TRRAP: variants seen among roughly 807,000 people sequenced by gnomAD.
TRRAP encodes the protein transformation/transcription domain-associated protein.
A neutral mutation model predicts 438.8 loss-of-function variants in TRRAP; 41 were observed. The observed-to-expected ratio is 0.09, with a 90% CI of 0.07 to 0.12. The LOEUF (loss-of-function observed/expected upper bound fraction) is 0.12. TRRAP is among the 10% of genes least tolerant of loss of function. The pLI, the probability that TRRAP is intolerant of heterozygous loss-of-function variation, is 1.00. For missense variants in TRRAP, 3,122 were observed against 5,055.1 expected, an observed-to-expected ratio of 0.62 and a Z score of 11.60; for synonymous variants, 1,994 against 1,962.9, an observed-to-expected ratio of 1.02 and a Z score of -0.42.
At chr7:98,940,622 G>A (rs1241680800) in intron 30 of TRRAP, among the ~76,000 whole-genome samples, 1 of 152,174 alleles carries the variant, frequency 6.6e-6, no homozygotes, top group Non-Finnish European at 1.5e-5. Context: ...AATCACATGG[G>A]TTTTGTGTTA....
In TRRAP at chr7:98,970,204, C is replaced by T. The variant is rs200799197; in HGVS notation, c.7605C>T (p.Ala2535=). The T allele has an allele frequency of 1.5e-5, 24 of 1,613,740 alleles. No individual in the cohort carries two copies. The highest frequency in any genetic ancestry group is 2.7e-5 in the African/African-American group (2 of 74,926). ...CCATCACCAACGTCATCAACCTGGC[C>T]GATAGCCACGACCGTGCCGCCTTCG... ...LPSITNVINL[A]DSHDRAAFAM... The change falls in exon 52 of 73, where the codon GCC becomes GCT. Residue 2535 remains alanine, a synonymous_variant. Transcript: ENST00000456197.
Position 98,976,970 on chromosome 7 carries a change from C to T in TRRAP, c.8279C>T (p.Ser2760Phe). The change falls in exon 56 of 73, where the codon TCC becomes TTC. Residue 2760 changes from serine (S) to phenylalanine (F), a missense_variant. By Grantham distance (155) the Ser-to-Phe change is radical (BLOSUM62 -2). Coordinates refer to ENST00000456197, the MANE Select transcript of TRRAP (RefSeq NM_001375524.1). This position sits in a 1 kb window ranked among gnomAD's most constrained non-coding sequence, Gnocchi z 4.6. ...EILDSLAELY[S>F]LLQEEDMWAG... is the part of the protein sequence containing the mutation. ...CTGGATTCCCTTGCGGAGCTTTACT[C>T]CCTGTTACAAGAGGAAGATATGTGG... The T allele has an allele frequency of 6.2e-7, 1 of 1,614,148 alleles. No homozygotes were observed.
intron 19 of TRRAP, among the ~76,000 whole-genome samples, 161 bp from the exon 20 acceptor site, chr7:98,917,262 T>G (rs782598967): frequency 6.6e-6 from 1 of 152,120 alleles, no homozygotes; most frequent in Non-Finnish European, 1.5e-5. Context: ...TGAGTGCAAT[T>G]ATTGGACAGA....
At chr7:98,981,441 G>A (rs910930641) in intron 58 of TRRAP, among the ~76,000 whole-genome samples, 7 of 152,164 alleles carry the variant, frequency 4.6e-5, no homozygotes, top group Admixed American at 1.3e-4. Context: ...CTTGTTAGCA[G>A]ACTGTGTGAT....
chr7:98,984,353 A>C lies in TRRAP; in HGVS notation c.9283A>C (p.Met3095Leu), dbSNP rs1217946865. ...LAGVMGKNEC[M>L]QGLEVIESTN... ...AGGCGTCATGGGCAAAAACGAGTGC[A>C]TGCAGGTGCGGACAGGACACTTGAA... The change falls in exon 61 of 73, where the codon ATG becomes CTG. Residue 3095 changes from methionine to leucine, a missense_variant. By Grantham distance (15) the Met-to-Leu change is conservative. This residue lies in a region of TRRAP where 129 missense variants were observed against 279.2 expected (regional missense o/e 0.46). Transcript: ENST00000456197. 1.3e-6 allele frequency: 2 copies of C among 1,579,752 alleles called. No individual in the cohort carries two copies. Among genetic ancestry groups the C allele is most frequent in the Non-Finnish European group, 1.7e-6 (2 of 1,161,690 alleles).
chr7:98,973,300 A>G (rs1248806509), intron 53 of TRRAP, among the ~76,000 whole-genome samples: 3 of 152,152 alleles, frequency 2.0e-5, no homozygotes. Flanking sequence ...CACCACCAGA[A>G]AAAAGGGCTA....
At chr7:98,901,959 G>A (rs74425363) in intron 11 of TRRAP, among the ~76,000 whole-genome samples, 4,538 of 152,284 alleles carry the variant, frequency 0.03, 227 homozygotes, top group African/African-American at 0.1. Flanking sequence ...TCCAATTTTA[G>A]AATAACGTCA....
intron 18 of TRRAP, among the ~76,000 whole-genome samples, chr7:98,915,275 C>G (rs1380689384): frequency 1.3e-5 from 2 of 152,092 alleles, no homozygotes; most frequent in Non-Finnish European, 2.9e-5. Flanking sequence ...TCACTGCAAC[C>G]TCTGCCTCCT....
chr7:98,917,771 A>G lies in TRRAP; in HGVS notation c.2622+92A>G. The G allele has an allele frequency of 2.0e-6, 3 of 1,487,080 alleles. No homozygotes were observed. In the South Asian group the frequency reaches 3.9e-5, roughly 19 times the overall value. 92.1% of individuals were successfully genotyped at this position (1,487,080 alleles called of 1,614,324 possible). A position where few individuals can be genotyped will look rare whatever the true frequency, so the allele number is the denominator to read the frequency against. ...TGTACTCAAGAGTGGGCTCTGCAAG[A>G]TGGACCAGTGCAGCTCTCTGTTTAA... On this transcript the variant is annotated intron_variant, in intron 20 of 72. Transcript: ENST00000456197.
Position 98,994,582 on chromosome 7 carries a change from A to G in TRRAP, c.10048-5A>G, listed in dbSNP as rs770616562. ...TGTCAGTTGTCTCTGGCTCTTTTCT[A>G]CCAGGTTCTCAGGCAGCTCCAACAG... On this transcript the variant is annotated splice_region_variant and splice_polypyrimidine_tract_variant and intron_variant, in intron 66 of 72. Coordinates refer to ENST00000456197, the MANE Select transcript of TRRAP (RefSeq NM_001375524.1). The surrounding 1 kb of genome is among the most constrained non-coding windows in gnomAD (Gnocchi z 4.8). 1 of 1,613,796 alleles carries G rather than the reference A, an allele frequency of 6.2e-7. No homozygotes were observed. The highest frequency in any genetic ancestry group is 8.5e-7 in the Non-Finnish European group (1 of 1,179,910).
intron 18 of TRRAP, among the ~76,000 whole-genome samples, chr7:98,914,033 GTTTTC>G (rs1377858339): frequency 8.5e-5 from 13 of 152,098 alleles, no homozygotes; most frequent in Admixed American, 8.5e-4. Flanking sequence ...TGCTTTCCTT[GTTTTC>G]TTTTCACAGT....
chr7:98,923,810 A>G (rs1789913242), intron 21 of TRRAP, among the ~76,000 whole-genome samples: 5 of 152,208 alleles, frequency 3.3e-5, no homozygotes, highest in Admixed American at 3.3e-4. Flanking sequence ...GTAAATTTTT[A>G]ACAAAGATTA....
chr7:98,990,876 A>G (rs1311013379), intron 64 of TRRAP, among the ~76,000 whole-genome samples: 1 of 152,262 alleles, frequency 6.6e-6, no homozygotes, highest in Non-Finnish European at 1.5e-5. Context: ...ATTTTCCCAT[A>G]TATAATGTAA....
chr7:98,957,629 T>C (rs1180291421), intron 43 of TRRAP, among the ~76,000 whole-genome samples: 2 of 152,204 alleles, frequency 1.3e-5, no homozygotes, highest in African/African-American at 2.4e-5. Flanking sequence ...GGCCCTGTGC[T>C]CACTCAGGAT....
chr7:99,008,484 G>C lies in TRRAP; in HGVS notation c.10861G>C (p.Glu3621Gln). The stretch of plus-strand genomic sequence containing the variant: ...GCAGCGCTGCGCCAAGAAGGGCATC[G>C]AGCATGACAACCCCATCTCCCGTTA... ...YKQRCAKKGI[E>Q]HDNPISRYYD... The change falls in exon 70 of 73, where the codon GAG becomes CAG. Residue 3621 changes from glutamate to glutamine, a missense_variant. Coordinates refer to ENST00000456197, the MANE Select transcript of TRRAP (RefSeq NM_001375524.1). The C allele has an allele frequency of 6.2e-7, 1 of 1,614,174 alleles. No individual in the cohort carries two copies. The highest frequency in any genetic ancestry group is 8.5e-7 in the Non-Finnish European group (1 of 1,180,036).
chr7:98,945,650 T>C, intron 31 of TRRAP, 97 bp from the exon 32 acceptor site: 2 of 1,413,772 alleles, frequency 1.4e-6, no homozygotes, highest in Non-Finnish European at 1.9e-6. Flanking sequence ...TTTACTGTCT[T>C]GTTAACCCCA....
chr7:98,930,299 A>G (rs2116510120), intron 24 of TRRAP, 93 bp downstream of exon 24: 1 of 1,449,336 alleles, frequency 6.9e-7, no homozygotes, highest in Non-Finnish European at 9.4e-7. Flanking sequence ...AATTGCGGCC[A>G]GACGCAGTGG....
At chr7:98,959,208 G>A in intron 44 of TRRAP, 136 bp from the exon 45 acceptor site, 1 of 1,223,236 alleles carries the variant, frequency 8.2e-7, no homozygotes, top group South Asian at 1.5e-5. Context: ...TGGAGGTCAG[G>A]CGGAAGAGAG....
At position 98,949,828 on chromosome 7, in the gene TRRAP, C is replaced by T; in HGVS notation, c.5122C>T (p.Leu1708=). The T allele has an allele frequency of 6.2e-7, 1 of 1,613,042 alleles. No individual in the cohort carries two copies. The highest frequency in any genetic ancestry group is 8.5e-7 in the Non-Finnish European group (1 of 1,179,640). The stretch of plus-strand genomic sequence containing the variant: ...GCCCAAGCTGCTGGCCTACTGCCTG[C>T]TGAACTACTGCAAGTGGGTGCCTCC... ...KEPKLLAYCL[L]NYCKRNYGDI... Residue 1708 remains leucine (L), a synonymous_variant, in exon 37 of 73, where the codon CTG becomes TTG. Transcript: ENST00000456197.
Sources: gnomAD v4.1 joint callset for allele counts (sites outside exome capture counted in the v4.1 genomes callset) on GRCh38, gnomAD v4.1.1 for gene constraint, gnomAD v4.1.1 regional missense constraint, Gnocchi (gnomAD v3.1) non-coding constraint, MANE v1.5 for transcripts, NCBI Gene and HGNC (gene_info 2026-07-23, HGNC 2026-07-21) for gene names.